Variants in TCERG1L observed in about 807,000 individuals in gnomAD.
The protein encoded by TCERG1L is transcription elongation regulator 1-like protein.
A neutral mutation model predicts 56.3 loss-of-function variants in TCERG1L; 37 were observed. That is an observed-to-expected ratio of 0.66 (90% CI 0.51 to 0.87). The LOEUF is 0.87. Among genes scored for constraint, TCERG1L ranks in the 40% least tolerant of loss-of-function variants. TCERG1L has a pLI of 0.00. For synonymous variants in TCERG1L, 324 were observed against 326.3 expected (o/e 0.99, Z 0.08); for missense variants, 799 against 774.2 (o/e 1.03, Z -0.38).
intron 4 of TCERG1L, among the ~76,000 whole-genome samples, chr10:131,258,453 G>A (rs2133540805): frequency 6.6e-6 from 1 of 152,280 alleles, no homozygotes; most frequent in African/African-American, 2.4e-5. Flanking sequence ...CTCACCAGGG[G>A]CGCCCCTGGC....
intron 3 of TCERG1L, among the ~76,000 whole-genome samples, chr10:131,303,690 C>T (rs1358340174): frequency 6.6e-6 from 1 of 152,058 alleles, no homozygotes; most frequent in East Asian, 1.9e-4. Flanking sequence ...TCTATTTATG[C>T]TTAAGAATCT....
At chr10:131,266,890 TGA>T (rs1436873038) in intron 3 of TCERG1L, among the ~76,000 whole-genome samples, 1 of 152,184 alleles carries the variant, frequency 6.6e-6, no homozygotes, top group East Asian at 1.9e-4. Context: ...CTGCTCTGGC[TGA>T]GTCTTTTATG....
intron 4 of TCERG1L, among the ~76,000 whole-genome samples, chr10:131,213,810 C>G (rs567132248): frequency 6.6e-6 from 1 of 152,290 alleles, no homozygotes; most frequent in Admixed American, 6.5e-5. Flanking sequence ...GGGCCCTGTG[C>G]TGGGCCCTGC....
chr10:131,133,355 G>A (rs546231408), intron 8 of TCERG1L, among the ~76,000 whole-genome samples: 1 of 152,266 alleles, frequency 6.6e-6, no homozygotes, highest in Non-Finnish European at 1.5e-5. Flanking sequence ...AAGAGAAAAC[G>A]CATACGACAC....
chr10:131,290,941 C>T (rs1530065), intron 3 of TCERG1L, among the ~76,000 whole-genome samples: 114,928 of 151,846 alleles, frequency 0.76, 44,087 homozygotes, highest in Non-Finnish European at 0.82. Flanking sequence ...ATGCTGCAGG[C>T]GTGGCCCGTT....
chr10:131,272,311 C>T (rs186352478), intron 3 of TCERG1L, among the ~76,000 whole-genome samples: 64 of 152,338 alleles, frequency 4.2e-4, no homozygotes, highest in African/African-American at 1.5e-3. Context: ...AGGACACGTG[C>T]GTTTGAACTG....
intron 7 of TCERG1L, among the ~76,000 whole-genome samples, chr10:131,143,453 G>C (rs569328653): frequency 2.0e-5 from 3 of 152,072 alleles, no homozygotes; most frequent in Non-Finnish European, 4.4e-5. Context: ...GGAAGAACTC[G>C]AGGGCCCCAG....
intron 4 of TCERG1L, among the ~76,000 whole-genome samples, chr10:131,233,457 G>C (rs1589756523): frequency 6.7e-6 from 1 of 149,876 alleles, no homozygotes; most frequent in African/African-American, 2.4e-5. Context: ...CATGCACACA[G>C]ACACACACAC....
intron 4 of TCERG1L, among the ~76,000 whole-genome samples, chr10:131,193,516 T>C (rs1016186341): frequency 6.6e-6 from 1 of 152,218 alleles, no homozygotes; most frequent in Non-Finnish European, 1.5e-5. Flanking sequence ...TGAGCTGACT[T>C]TTGTATATTG....
intron 3 of TCERG1L, among the ~76,000 whole-genome samples, chr10:131,299,596 G>C (rs2944513): frequency 0.87 from 131,622 of 152,074 alleles, 58,713 homozygotes; most frequent in Non-Finnish European, 0.97. Flanking sequence ...AGCTGTAGAT[G>C]TTCCTTAGAT....
chr10:131,223,942 C>T (rs1845763710), intron 4 of TCERG1L, among the ~76,000 whole-genome samples: 1 of 151,988 alleles, frequency 6.6e-6, no homozygotes, highest in African/African-American at 2.4e-5. Context: ...GCCACATCCC[C>T]ACCTTCTCCC....
intron 4 of TCERG1L, among the ~76,000 whole-genome samples, chr10:131,186,015 A>G (rs1845238887): frequency 6.6e-6 from 1 of 152,268 alleles, no homozygotes; most frequent in Admixed American, 6.5e-5. Context: ...GCGACGGAAC[A>G]TTATCTTGCG....
At chr10:131,188,637 T>C (rs1845272391) in intron 4 of TCERG1L, among the ~76,000 whole-genome samples, 1 of 152,228 alleles carries the variant, frequency 6.6e-6, no homozygotes, top group African/African-American at 2.4e-5. Context: ...GTACAAATTC[T>C]TCAGTAATAC....
intron 4 of TCERG1L, among the ~76,000 whole-genome samples, chr10:131,170,028 T>C (rs1846073001): frequency 2.6e-5 from 4 of 152,166 alleles, no homozygotes; most frequent in African/African-American, 9.7e-5. Context: ...ATATTGTTGA[T>C]GATCATTTTA....
At chr10:131,139,216 C>A (rs1845706717) in intron 7 of TCERG1L, among the ~76,000 whole-genome samples, 1 of 152,220 alleles carries the variant, frequency 6.6e-6, no homozygotes, top group African/African-American at 2.4e-5. Context: ...AATGCACGTA[C>A]CTTTTGAGCC....
Position 131,265,857 on chromosome 10 carries a change from G to C in TCERG1L, c.671-5413C>G, listed in dbSNP as rs112485202. On this transcript the variant is annotated intron_variant, in intron 3 of 11. Transcript: ENST00000368642. ...CTGATCAGGATGGTGGTTGCTGAAG[G>C]CTGGGGTGGCTGTGCCAATTTCACA... Among the ~76,000 whole-genome samples the C allele has an allele frequency of 7.8e-3, 1,181 of 152,360 alleles. 12 individuals carry two copies. The highest frequency in any genetic ancestry group is 9.3e-3 in the Non-Finnish European group (635 of 68,030).
chr10:131,109,158 ATCTC>A, intron 9 of TCERG1L, among the ~76,000 whole-genome samples: 1 of 151,780 alleles, frequency 6.6e-6, no homozygotes, highest in East Asian at 1.9e-4. Flanking sequence ...CTCAGCAGAG[ATCTC>A]TCTCTCTCCT....
chr10:131,134,206 C>T (rs571024319), intron 8 of TCERG1L, among the ~76,000 whole-genome samples, 173 bp downstream of exon 8: 4 of 152,306 alleles, frequency 2.6e-5, no homozygotes, highest in East Asian at 3.9e-4. Flanking sequence ...ATACCTGCTT[C>T]GGCAGGTGCC....
At chr10:131,285,474 AAG>A (rs1846516090) in intron 3 of TCERG1L, among the ~76,000 whole-genome samples, 1 of 13,402 alleles carries the variant, frequency 7.5e-5, no homozygotes, top group South Asian at 6.2e-3. Flanking sequence ...GGAAGAAAGA[AAG>A]AAAGAAAGAA....
Sources: allele counts gnomAD v4.1 joint callset (sites outside exome capture counted in the v4.1 genomes callset), GRCh38; gene constraint gnomAD v4.1.1; transcripts MANE v1.5; gene names NCBI Gene and HGNC (gene_info 2026-07-23, HGNC 2026-07-21).